The following USH2A variants were observed in gnomAD, a reference collection of about 807,000 sequenced individuals.
USH2A encodes Usher syndrome 2A (autosomal recessive, mild).
Under a neutral mutation model 538.9 loss-of-function variants are expected in USH2A, and 443 were observed. The ratio of observed to expected loss-of-function variants is 0.82; its 90% confidence interval spans 0.76 to 0.89. The LOEUF (loss-of-function observed/expected upper bound fraction) is 0.89, where lower values mean the gene tolerates loss of function less well. USH2A is among the 40% of genes least tolerant of loss of function. The pLI, the probability that USH2A is intolerant of heterozygous loss-of-function variation, is 0.00. For missense variants in USH2A, 6,633 were observed against 6,324.8 expected, an observed-to-expected ratio of 1.05 and a Z score of -1.65; for synonymous variants, 2,413 against 2,273.5, an observed-to-expected ratio of 1.06 and a Z score of -1.75.
chr1:216,047,351 CA>C (rs1376544709), intron 31 of USH2A, among the ~76,000 whole-genome samples: 2 of 152,020 alleles, frequency 1.3e-5, no homozygotes, highest in East Asian at 3.9e-4. Context: ...AACATAGGGC[CA>C]TTTGTCCCAT....
chr1:216,214,541 G>C (rs2035306835), intron 15 of USH2A, among the ~76,000 whole-genome samples: 1 of 152,016 alleles, frequency 6.6e-6, no homozygotes, highest in Non-Finnish European at 1.5e-5. Context: ...TTTGGGGCTA[G>C]AGGTGGGAGT....
chr1:215,746,431 T>A (rs1385520602), intron 58 of USH2A, among the ~76,000 whole-genome samples: 4 of 140,548 alleles, frequency 2.8e-5, no homozygotes, highest in African/African-American at 1.0e-4. Flanking sequence ...TGCATAATAA[T>A]AAATAATGCT....
At chr1:216,048,672 G>C (rs769341848) in intron 30 of USH2A, 25 bp from the exon 31 acceptor site, 9 of 1,587,084 alleles carry the variant, frequency 5.7e-6, no homozygotes, top group South Asian at 4.4e-5. Context: ...GACAAAAGAG[G>C]GTTGCGTGTT....
intron 64 of USH2A, among the ~76,000 whole-genome samples, chr1:215,664,437 T>A (rs1008050270): frequency 6.6e-6 from 1 of 152,196 alleles, no homozygotes; most frequent in Non-Finnish European, 1.5e-5. Flanking sequence ...TCAACACAAC[T>A]TAAAGCTAAA....
intron 61 of USH2A, among the ~76,000 whole-genome samples, chr1:215,712,641 C>T (rs186547804): frequency 6.6e-6 from 1 of 152,246 alleles, no homozygotes; most frequent in Admixed American, 6.5e-5. Context: ...CTTTTCTTTC[C>T]CCACTGCTCT....
In USH2A at chr1:216,190,492, A is replaced by G. The variant is rs569273907; in HGVS notation, c.4252-125T>C. On this transcript the variant is annotated intron_variant, in intron 19 of 71. Transcript: ENST00000307340. ...GGAATTATTGCCAACCACCATTAGG[A>G]AAAGGGTTTTTTTTTTTTTTTCTGA... The G allele has an allele frequency of 2.0e-5, 27 of 1,325,110 alleles. No homozygotes were observed. The African/African-American group carries it at 3.1e-4, about 15-fold the overall frequency. The allele number at this position is 1,325,110 out of a possible 1,614,324, so 82.1% of individuals were successfully genotyped here.
At position 216,327,596 on chromosome 1, in the gene USH2A, T is replaced by G. The variant is rs759081029; in HGVS notation, c.843A>C (p.Thr281=). The G allele has an allele frequency of 6.2e-7, 1 of 1,613,178 alleles. No individual in the cohort carries two copies. The highest frequency in any genetic ancestry group is 1.1e-5 in the South Asian group (1 of 91,078). ...ACAATGCAACATCTGCTTACCTGTTTGTAAGTGCCACTTGGTATAATCGAA... is the reference window on the plus strand; with the variant it reads ...ACAATGCAACATCTGCTTACCTGTTGGTAAGTGCCACTTGGTATAATCGAA... ...QDFRLYQVAL[T]NREILEVFSG... The change falls in exon 5 of 72, where the codon ACA becomes ACC. Residue 281 remains threonine, a synonymous_variant. Transcript: ENST00000307340.
At position 216,046,516 on chromosome 1, in the gene USH2A, C is replaced by T; in HGVS notation, c.6240G>A (p.Lys2080=). The part of the protein sequence containing the change: ...SLLLSWNPPK[K]ANGIITQYCL... Reference sequence around the variant, plus strand: ...AGTACTGAGTTATAATACCATTTGCCTTTTTGGGTGGGTTCCAGGAGAGCA... The same window carrying T: ...AGTACTGAGTTATAATACCATTTGCTTTTTTGGGTGGGTTCCAGGAGAGCA... Residue 2080 remains lysine (K), a synonymous_variant, in exon 32 of 72, where the codon AAG becomes AAA. Transcript: ENST00000307340. 1 of 1,613,832 alleles carries T rather than the reference C, an allele frequency of 6.2e-7. No homozygotes were observed. Among genetic ancestry groups the T allele is most frequent in the Non-Finnish European group, 8.5e-7 (1 of 1,179,802 alleles).
intron 37 of USH2A, among the ~76,000 whole-genome samples, chr1:215,949,855 T>C (rs2102439512): frequency 6.6e-6 from 1 of 152,136 alleles, no homozygotes; most frequent in South Asian, 2.1e-4. Context: ...CTTCCATAAA[T>C]ACCAAAACAA....
intron 52 of USH2A, among the ~76,000 whole-genome samples, chr1:215,784,952 A>C (rs149996353): frequency 4.6e-5 from 7 of 152,336 alleles, no homozygotes; most frequent in African/African-American, 1.4e-4. Flanking sequence ...TCTTAGATGG[A>C]AACTCAATAA....
chr1:216,198,656 A>T, intron 17 of USH2A, 72 bp from the exon 18 acceptor site: 1 of 1,428,190 alleles, frequency 7.0e-7, no homozygotes, highest in Non-Finnish European at 9.7e-7. Flanking sequence ...GGGTAGGGAC[A>T]GGTCAGTTAA....
chr1:216,113,739 G>GTT (rs2032933247), intron 21 of USH2A, among the ~76,000 whole-genome samples: 1 of 151,698 alleles, frequency 6.6e-6, no homozygotes, highest in Admixed American at 6.6e-5. Context: ...TAAAAAGGGG[G>GTT]TTTATTTTTG....
rs547838751 is a variant in USH2A at position 216,117,864 on chromosome 1, A to G, written c.4628-20651T>C. On this transcript the variant is annotated intron_variant, in intron 21 of 71. Transcript: ENST00000307340. ...TATACACACACAGATATATATATGC[A>G]TGTATACACATATATAGATATATAT... Among the ~76,000 whole-genome samples, 13 of 148,710 alleles carry G rather than the reference A, an allele frequency of 8.7e-5. 1 individual carries two copies. Among genetic ancestry groups the G allele is most frequent in the Admixed American group, 3.4e-4 (5 of 14,632 alleles).
At chr1:215,814,977 A>C (rs1023988388) in intron 48 of USH2A, among the ~76,000 whole-genome samples, 13 of 152,252 alleles carry the variant, frequency 8.5e-5, no homozygotes, top group Admixed American at 7.9e-4. Flanking sequence ...AGCTTGTTTA[A>C]GTATTTTGGG....
intron 32 of USH2A, among the ~76,000 whole-genome samples, chr1:216,023,507 T>C (rs1033325693): frequency 3.3e-5 from 2 of 60,558 alleles, no homozygotes; most frequent in Admixed American, 3.4e-4. Flanking sequence ...ACACAAAAGA[T>C]AGAGTGAGAT....
At chr1:216,225,320 T>C (rs938138232) in intron 14 of USH2A, among the ~76,000 whole-genome samples, 1 of 152,170 alleles carries the variant, frequency 6.6e-6, no homozygotes, top group African/African-American at 2.4e-5. Context: ...TGAACAAAAG[T>C]CCAAACTCAA....
intron 61 of USH2A, among the ~76,000 whole-genome samples, chr1:215,680,820 C>A (rs1658203292): frequency 6.6e-6 from 1 of 152,006 alleles, no homozygotes; most frequent in Non-Finnish European, 1.5e-5. Flanking sequence ...CCCTAATTTC[C>A]AAATCTGTTT....
Position 215,675,046 on chromosome 1 carries a change from C to G in USH2A, c.12865G>C (p.Glu4289Gln). ...QKLLISWIPP[E>Q]QSNGIIQSYR... The stretch of plus-strand genomic sequence containing the variant: ...GACTGGATAATACCATTAGACTGTT[C>G]TGGTGGGATCCAGGAAATCAGCAGT... Residue 4289 changes from glutamate to glutamine, a missense_variant, in exon 63 of 72, where the codon GAA (glutamate) becomes CAA (glutamine). Physicochemically the swap from Glu to Gln is conservative, Grantham distance 29. Coordinates refer to ENST00000307340, the MANE Select transcript of USH2A (RefSeq NM_206933.4). The G allele has an allele frequency of 6.2e-7, 1 of 1,614,120 alleles. No homozygotes were observed. Among genetic ancestry groups the G allele is most frequent in the Non-Finnish European group, 8.5e-7 (1 of 1,180,016 alleles).
At chr1:216,215,526 C>G (rs956089441) in intron 15 of USH2A, among the ~76,000 whole-genome samples, 1 of 152,088 alleles carries the variant, frequency 6.6e-6, no homozygotes, top group Non-Finnish European at 1.5e-5. Flanking sequence ...TGCTCCCCTC[C>G]TATTATCAGT....
Sources: gnomAD v4.1 joint callset for allele counts (sites outside exome capture counted in the v4.1 genomes callset) on GRCh38, gnomAD v4.1.1 for gene constraint, MANE v1.5 for transcripts, NCBI Gene and HGNC (gene_info 2026-07-23, HGNC 2026-07-21) for gene names.